The following GAB2 variants were observed in gnomAD, a reference collection of about 807,000 sequenced individuals.
GAB2 encodes the protein GRB2-associated-binding protein 2.
In GAB2, 26 loss-of-function variants were observed where a neutral mutation model predicts 65.5. That is an observed-to-expected ratio of 0.40 (90% CI 0.29 to 0.55). GAB2 has a LOEUF of 0.55. Ranked by LOEUF, GAB2 falls within the 20% of genes least tolerant of loss-of-function variation. The pLI is 0.53. For synonymous variants in GAB2, 321 were observed against 329.6 expected (o/e 0.97, Z 0.28); for missense variants, 884 against 875.8 (o/e 1.01, Z -0.12).
rs145403933 is a variant in GAB2, at chr11:78,390,255, C to A, written c.75+27391G>T. Reference sequence around the variant, plus strand: ...CGAGGCTATTGCTTTATAGCCCACACCAGCAAGCTATAAACAAAGGATTTC... The same window carrying A: ...CGAGGCTATTGCTTTATAGCCCACAACAGCAAGCTATAAACAAAGGATTTC... On this transcript the variant is annotated intron_variant, in intron 1 of 9. Transcript: ENST00000361507. Among the ~76,000 whole-genome samples the A allele has an allele frequency of 4.4e-3, 670 of 152,234 alleles. 5 individuals carry two copies. Among genetic ancestry groups the A allele is most frequent in the Middle Eastern group, 0.01 (3 of 294 alleles).
rs149125898 is a variant in GAB2 at position 78,270,950 on chromosome 11, C to A, written c.376+9651G>T. ...AGGCAAATGAGTAGCAATGTTGAGACTCAAGTGCAGCTAGCTGCCTTTCGG... is the reference window on the plus strand; with the variant it reads ...AGGCAAATGAGTAGCAATGTTGAGAATCAAGTGCAGCTAGCTGCCTTTCGG... On this transcript the variant is annotated intron_variant, in intron 2 of 9. Transcript: ENST00000361507. Among the ~76,000 whole-genome samples the A allele has an allele frequency of 2.3e-3, 344 of 152,344 alleles. 1 individual carries two copies. Among genetic ancestry groups the A allele is most frequent in the African/African-American group, 7.9e-3 (328 of 41,564 alleles).
At chr11:78,358,953 T>C (rs1442017168) in intron 1 of GAB2, among the ~76,000 whole-genome samples, 1 of 152,020 alleles carries the variant, frequency 6.6e-6, no homozygotes, top group African/African-American at 2.4e-5. Flanking sequence ...AAATGAAAAT[T>C]ACAATTGAAA....
intron 1 of GAB2, among the ~76,000 whole-genome samples, chr11:78,396,008 A>T: frequency 6.6e-6 from 1 of 152,224 alleles, no homozygotes; most frequent in East Asian, 1.9e-4. Flanking sequence ...ATATAAGCAT[A>T]GTATCGACTA....
At chr11:78,328,470 T>C (rs1375577257) in intron 1 of GAB2, among the ~76,000 whole-genome samples, 1 of 152,142 alleles carries the variant, frequency 6.6e-6, no homozygotes, top group African/African-American at 2.4e-5. Context: ...AAAAATGACA[T>C]TACAGACTTA....
intron 3 of GAB2, among the ~76,000 whole-genome samples, chr11:78,236,708 A>G (rs563438134): frequency 2.6e-5 from 4 of 152,240 alleles, no homozygotes; most frequent in African/African-American, 7.2e-5. Flanking sequence ...CTTCCTCTGC[A>G]TCTATTGAGG....
At chr11:78,250,468 T>C in intron 2 of GAB2, 68 bp from the exon 3 acceptor site, 1 of 1,412,668 alleles carries the variant, frequency 7.1e-7, no homozygotes, top group Non-Finnish European at 1.0e-6. Flanking sequence ...AAGTGAGTTG[T>C]CAGAGGAAGA....
At chr11:78,247,029 G>C (rs1237306264) in intron 3 of GAB2, among the ~76,000 whole-genome samples, 2 of 152,188 alleles carry the variant, frequency 1.3e-5, no homozygotes, top group Non-Finnish European at 2.9e-5. Flanking sequence ...GAATATACTA[G>C]CTCCTTCCAG....
intron 7 of GAB2, 101 bp downstream of exon 7, chr11:78,222,004 C>T: frequency 1.2e-6 from 1 of 808,636 alleles, no homozygotes; most frequent in East Asian, 2.5e-5. Context: ...ATAGCGTTAG[C>T]ATCAGAATCC....
chr11:78,385,922 C>T (rs1020063904), intron 1 of GAB2, among the ~76,000 whole-genome samples: 4 of 152,116 alleles, frequency 2.6e-5, no homozygotes, highest in Admixed American at 2.0e-4. Context: ...AAGACTGATA[C>T]ATAATTAGTA....
chr11:78,397,243 CTT>C lies in GAB2; in HGVS notation c.75+20401_75+20402del, dbSNP rs553531585. On this transcript the variant is annotated intron_variant, in intron 1 of 9. Coordinates refer to ENST00000361507, the MANE Select transcript of GAB2 (RefSeq NM_080491.3). ...TTTCAATTCAATTCCAGTTCAAACT[CTT>C]TTTTTCGCCAAGGCAATATAACCAA... Among the ~76,000 whole-genome samples, 67 of 152,222 alleles carry C rather than the reference CTT, an allele frequency of 4.4e-4. 1 individual carries two copies. The South Asian group carries it at 0.013, about 31-fold the overall frequency.
At position 78,382,374 on chromosome 11, in the gene GAB2, T is replaced by A. The variant is rs142094826; in HGVS notation, c.75+35272A>T. Among the ~76,000 whole-genome samples, 665 of 151,500 alleles carry A rather than the reference T, an allele frequency of 4.4e-3. 3 individuals carry two copies. The highest frequency in any genetic ancestry group is 0.015 in the African/African-American group (620 of 41,052). On this transcript the variant is annotated intron_variant, in intron 1 of 9. Coordinates refer to ENST00000361507, the MANE Select transcript of GAB2 (RefSeq NM_080491.3). ...CTTCTGCTGGAGCAATATTCTTTTT[T>A]TTATTATTATTTTTTTTTTTTTGAG...
At chr11:78,379,679 C>A (rs536335928) in intron 1 of GAB2, among the ~76,000 whole-genome samples, 2 of 152,316 alleles carry the variant, frequency 1.3e-5, no homozygotes, top group African/African-American at 4.8e-5. Context: ...AGTTAAGCTG[C>A]AGTCAGGACA....
intron 1 of GAB2, among the ~76,000 whole-genome samples, chr11:78,329,387 G>A (rs191684387): frequency 7.9e-4 from 120 of 152,076 alleles, no homozygotes; most frequent in Admixed American, 3.5e-3. Context: ...CCCCCAATAC[G>A]ATTTATGTAT....
At chr11:78,243,560 A>G (rs1865204365) in intron 3 of GAB2, among the ~76,000 whole-genome samples, 1 of 150,810 alleles carries the variant, frequency 6.6e-6, no homozygotes, top group Non-Finnish European at 1.5e-5. Flanking sequence ...ATGATTATGG[A>G]CCAGGTGCAG....
At chr11:78,338,495 G>T (rs1856039161) in intron 1 of GAB2, among the ~76,000 whole-genome samples, 1 of 152,172 alleles carries the variant, frequency 6.6e-6, no homozygotes, top group Admixed American at 6.5e-5. Flanking sequence ...TTCTTGTAAT[G>T]TGAGAAAAAT....
intron 1 of GAB2, among the ~76,000 whole-genome samples, chr11:78,412,285 T>C (rs1172471663): frequency 6.6e-6 from 1 of 152,162 alleles, no homozygotes; most frequent in Non-Finnish European, 1.5e-5. Context: ...GGGTGAATGG[T>C]TAAATAAACA....
intron 1 of GAB2, among the ~76,000 whole-genome samples, chr11:78,352,275 C>T (rs1027077917): frequency 7.2e-5 from 11 of 152,212 alleles, no homozygotes; most frequent in African/African-American, 2.4e-4. Flanking sequence ...CAGACGGGGA[C>T]TAGCTTTAAG....
chr11:78,244,006 GC>G (rs1865218937), intron 3 of GAB2, among the ~76,000 whole-genome samples: 1 of 151,862 alleles, frequency 6.6e-6, no homozygotes, highest in Admixed American at 6.6e-5. Context: ...GATGGAATTT[GC>G]AAAAAAAAGT....
chr11:78,361,136 G>A (rs1035640256), intron 1 of GAB2, among the ~76,000 whole-genome samples: 1 of 152,140 alleles, frequency 6.6e-6, no homozygotes, highest in African/African-American at 2.4e-5. Context: ...AAATCCATGG[G>A]AAAGATTTAA....
Sources: allele counts gnomAD v4.1 joint callset (sites outside exome capture counted in the v4.1 genomes callset), GRCh38; gene constraint gnomAD v4.1.1; transcripts MANE v1.5; gene names NCBI Gene and HGNC (gene_info 2026-07-23, HGNC 2026-07-21).